The following COL13A1 variants were observed in gnomAD, a reference collection of about 807,000 sequenced individuals.
COL13A1 encodes the protein collagen alpha-1(XIII) chain.
Under a neutral mutation model 130.9 loss-of-function variants are expected in COL13A1, and 89 were observed. That is an observed-to-expected ratio of 0.68 (90% CI 0.57 to 0.81). The LOEUF (loss-of-function observed/expected upper bound fraction) is 0.81, where lower values mean the gene tolerates loss of function less well. Ranked by LOEUF, COL13A1 falls within the 30% of genes least tolerant of loss-of-function variation. COL13A1 has a pLI of 0.00. For missense variants in COL13A1, 879 were observed against 934.6 expected (o/e 0.94, Z 0.78); for synonymous variants, 402 against 341.6 (o/e 1.18, Z -1.95).
At chr10:69,941,143 G>A (rs144675629) in intron 35 of COL13A1, 120 bp downstream of exon 35, 131 of 1,526,994 alleles carry the variant, frequency 8.6e-5, no homozygotes, top group Non-Finnish European at 1.0e-4. Context: ...TCCCACCTCC[G>A]ACACCAGAAA....
chr10:69,933,135 C>CAAAAAAAAAAAAAAAAAAAAAAAAA lies in COL13A1; in HGVS notation c.1728+539_1728+563dup, dbSNP rs34323794. On this transcript the variant is annotated intron_variant, in intron 31 of 40. Coordinates refer to ENST00000645393, the MANE Select transcript of COL13A1 (RefSeq NM_001368882.1). The stretch of plus-strand genomic sequence containing the variant: ...TGGGCAACAGAGTGAGACTCTGCCT[C>CAAAAAAAAAAAAAAAAAAAAAAAAA]AAAAAAAAAAAAAAAAAAAAAAAAA... Among the ~76,000 whole-genome samples, 30 of 44,430 alleles carry CAAAAAAAAAAAAAAAAAAAAAAAAA rather than the reference C, an allele frequency of 6.8e-4. 1 individual carries two copies. Among genetic ancestry groups the CAAAAAAAAAAAAAAAAAAAAAAAAA allele is most frequent in the Non-Finnish European group, 1.1e-3 (26 of 24,528 alleles). The allele number at this position is 44,430 out of a possible 152,430, so 29.1% of individuals were successfully genotyped here.
rs776072593 is a variant in COL13A1, at chr10:69,930,561, CA to C, written c.1683+10del. ...GACAAGCAGGCTCACCGGTGAGTGGCAGGGCTGGCTGCCCTTCCGTGCATAC... is the reference window on the plus strand; with the variant it reads ...GACAAGCAGGCTCACCGGTGAGTGGCGGGCTGGCTGCCCTTCCGTGCATAC... On this transcript the variant is annotated intron_variant, in intron 30 of 40. Coordinates refer to ENST00000645393, the MANE Select transcript of COL13A1 (RefSeq NM_001368882.1). 1.2e-6 allele frequency: 2 copies of C among 1,611,398 alleles called. No homozygotes were observed. Among genetic ancestry groups the C allele is most frequent in the South Asian group, 2.2e-5 (2 of 90,700 alleles).
At chr10:69,945,593 T>G in intron 36 of COL13A1, 78 bp from the exon 37 acceptor site, 1 of 1,558,168 alleles carries the variant, frequency 6.4e-7, no homozygotes, top group East Asian at 2.4e-5. Flanking sequence ...TTCCTGTATT[T>G]CATACCAAAG....
rs568756404 is a variant in COL13A1 at position 69,832,793 on chromosome 10, G to A, written c.364+10355G>A. 5.3e-4 allele frequency among the ~76,000 whole-genome samples: 80 copies of A among 152,286 alleles called. 1 individual carries two copies. The East Asian group carries it at 9.5e-3, about 18-fold the overall frequency. ...GCCCCACTCCATCCAGCCACCATGC[G>A]GAGCAGGAGCTTCTGGAGAGCAGGA... On this transcript the variant is annotated intron_variant, in intron 2 of 40. Coordinates refer to ENST00000645393, the MANE Select transcript of COL13A1 (RefSeq NM_001368882.1).
In COL13A1 at chr10:69,863,450, A is replaced by C. The variant is rs377360753; in HGVS notation, c.365-4348A>C. The stretch of plus-strand genomic sequence containing the variant: ...TGGTGGCAGGTGGTCAGCTGCAGGC[A>C]CCAGGAGGCATGGGTGGGGGCTAGG... On this transcript the variant is annotated intron_variant, in intron 2 of 40. Transcript: ENST00000645393. Among the ~76,000 whole-genome samples, 9 of 152,190 alleles carry C rather than the reference A, an allele frequency of 5.9e-5. No homozygotes were observed. In the East Asian group the frequency reaches 1.4e-3, roughly 23 times the overall value.
At chr10:69,877,105 A>G (rs2059642773) in intron 5 of COL13A1, among the ~76,000 whole-genome samples, 1 of 152,182 alleles carries the variant, frequency 6.6e-6, no homozygotes, top group Non-Finnish European at 1.5e-5. Context: ...GCTATTTTAA[A>G]TGAGACAATG....
intron 34 of COL13A1, among the ~76,000 whole-genome samples, chr10:69,940,028 T>A (rs2136057272): frequency 6.6e-6 from 1 of 152,330 alleles, no homozygotes; most frequent in African/African-American, 2.4e-5. Context: ...GTATTGCCGC[T>A]GCCTTCTCCC....
At chr10:69,807,244 G>C (rs1334833217) in intron 1 of COL13A1, among the ~76,000 whole-genome samples, 2 of 152,044 alleles carry the variant, frequency 1.3e-5, no homozygotes, top group Admixed American at 1.3e-4. Flanking sequence ...CTTCCCTAAG[G>C]GACTGACATT....
chr10:69,905,830 G>A lies in COL13A1; in HGVS notation c.921+8G>A. 1 of 1,613,640 alleles carries A rather than the reference G, an allele frequency of 6.2e-7. No homozygotes were observed. On this transcript the variant is annotated splice_region_variant and intron_variant, in intron 17 of 40. Transcript: ENST00000645393. ...GGCTACCACGGCCGGAAGGTAAGAT[G>A]GAGGGGGAGGACCCAAGTGGGGCAG...
At chr10:69,864,656 G>C (rs984416409) in intron 2 of COL13A1, among the ~76,000 whole-genome samples, 14 of 152,230 alleles carry the variant, frequency 9.2e-5, no homozygotes, top group African/African-American at 3.1e-4. Flanking sequence ...CATACAAAAA[G>C]TGGTTGAAAA....
chr10:69,950,467 T>G (rs1413120604), intron 38 of COL13A1, among the ~76,000 whole-genome samples: 1 of 152,124 alleles, frequency 6.6e-6, no homozygotes, highest in Non-Finnish European at 1.5e-5. Flanking sequence ...ACCCCCGGGG[T>G]ATCCTGGACT....
intron 2 of COL13A1, chr10:69,824,075 C>T (rs1233706137): frequency 2.1e-6 from 1 of 471,790 alleles, no homozygotes; most frequent in Admixed American, 2.4e-5. Flanking sequence ...GGTTTGAATT[C>T]CATCTCCAAC....
At chr10:69,870,572 C>G (rs1252730810) in intron 3 of COL13A1, among the ~76,000 whole-genome samples, 1 of 151,864 alleles carries the variant, frequency 6.6e-6, no homozygotes, top group Non-Finnish European at 1.5e-5. Flanking sequence ...CCTCCTGCCT[C>G]AGTCTCCCAA....
intron 2 of COL13A1, among the ~76,000 whole-genome samples, chr10:69,865,121 A>T (rs1225056902): frequency 6.6e-6 from 1 of 152,016 alleles, no homozygotes; most frequent in East Asian, 1.9e-4. Flanking sequence ...CAGGAGACTG[A>T]ATGCCGGTCT....
chr10:69,892,712 T>A (rs1439396788), intron 10 of COL13A1, among the ~76,000 whole-genome samples: 1 of 152,240 alleles, frequency 6.6e-6, no homozygotes, highest in Non-Finnish European at 1.5e-5. Flanking sequence ...AGGTGCTGCC[T>A]GGCTGAAGAT....
At position 69,812,417 on chromosome 10, in the gene COL13A1, T is replaced by C. The variant is rs575674570; in HGVS notation, c.294+9700T>C. ...AGGGTAATGATAATAAGAGTACTTT[T>C]ATGAGGGTTGTTTTTAGGATTAAAA... On this transcript the variant is annotated intron_variant, in intron 1 of 40. Transcript: ENST00000645393. Among the ~76,000 whole-genome samples the C allele has an allele frequency of 3.9e-5, 6 of 152,278 alleles. No homozygotes were observed. The South Asian group carries it at 1.0e-3, about 26-fold the overall frequency.
At chr10:69,908,611 G>A (rs998652666) in intron 17 of COL13A1, among the ~76,000 whole-genome samples, 5 of 152,230 alleles carry the variant, frequency 3.3e-5, no homozygotes, top group African/African-American at 1.2e-4. Flanking sequence ...GCTGTCCTGA[G>A]TACGGAGAAT....
Position 69,850,832 on chromosome 10 carries a change from G to C in COL13A1, c.365-16966G>C, listed in dbSNP as rs116941665. Among the ~76,000 whole-genome samples, 37 of 152,376 alleles carry C rather than the reference G, an allele frequency of 2.4e-4. 1 individual carries two copies. The East Asian group carries it at 6.8e-3, about 28-fold the overall frequency. The stretch of plus-strand genomic sequence containing the variant: ...ACCCAGGTAGTTCTGGAACGGGGAT[G>C]GCCCCTCAGAGTTGCCCCAAGGGGG... On this transcript the variant is annotated intron_variant, in intron 2 of 40. Transcript: ENST00000645393.
chr10:69,813,101 C>T (rs1041591286), intron 1 of COL13A1, among the ~76,000 whole-genome samples: 4 of 152,226 alleles, frequency 2.6e-5, no homozygotes, highest in Non-Finnish European at 5.9e-5. Flanking sequence ...ACATTAACCC[C>T]TAGAACATTG....
Sources: allele counts gnomAD v4.1 joint callset (sites outside exome capture counted in the v4.1 genomes callset), GRCh38; gene constraint gnomAD v4.1.1; transcripts MANE v1.5; gene names NCBI Gene and HGNC (gene_info 2026-07-23, HGNC 2026-07-21).